The following KLF7 variants were observed in gnomAD, a reference collection of about 807,000 sequenced individuals.
KLF7 encodes the protein KLF transcription factor 7.
KLF7 carries 2 observed loss-of-function variants against 27.3 expected under a neutral mutation model. The observed-to-expected ratio is 0.07, with a 90% CI of 0.03 to 0.23. KLF7 has a LOEUF of 0.23. KLF7 is among the 10% of genes least tolerant of loss of function. KLF7 has a pLI of 1.00. For missense variants in KLF7, 221 were observed against 394.1 expected (o/e 0.56, Z 3.72); for synonymous variants, 165 against 162.4 (o/e 1.02, Z -0.12).
At chr2:207,143,498 G>A (rs753031828) in intron 1 of KLF7, among the ~76,000 whole-genome samples, 7 of 151,942 alleles carry the variant, frequency 4.6e-5, no homozygotes, top group Admixed American at 6.6e-5. Flanking sequence ...AAGGTTCGGA[G>A]TCTGGGTATG....
At chr2:207,121,456 C>G (rs1397253404) in intron 2 of KLF7, 1 of 152,178 alleles carries the variant, frequency 6.6e-6, no homozygotes, top group African/African-American at 2.4e-5. Flanking sequence ...AGTATCTGCT[C>G]ATTTAATATT....
Position 207,165,521 on chromosome 2 carries a change from G to T in KLF7, c.48C>A (p.Val16=). The T allele has an allele frequency of 6.2e-7, 1 of 1,614,078 alleles. No homozygotes were observed. The highest frequency in any genetic ancestry group is 8.5e-7 in the Non-Finnish European group (1 of 1,180,000). Residue 16 remains valine, a synonymous_variant, in exon 1 of 4, where the codon GTC becomes GTA. Coordinates refer to ENST00000309446, the MANE Select transcript of KLF7 (RefSeq NM_003709.4). ...SYSIFQELQL[V]HDTGYFSALP... is the part of the protein sequence containing the mutation. ...AAGCTGAGAAGTAGCCGGTGTCGTG[G>T]ACAAGTTGTAGCTCCTGGAATATAC... is the stretch of plus-strand genomic sequence containing the variant.
chr2:207,093,963 G>C (rs1438643722), intron 2 of KLF7, among the ~76,000 whole-genome samples: 1 of 152,120 alleles, frequency 6.6e-6, no homozygotes, highest in Non-Finnish European at 1.5e-5. Context: ...CCTAAAAGAC[G>C]AGGATCCTGA....
chr2:207,147,773 C>T (rs932337412), intron 1 of KLF7, among the ~76,000 whole-genome samples: 1 of 152,158 alleles, frequency 6.6e-6, no homozygotes, highest in African/African-American at 2.4e-5. Context: ...GAGAAGCTGG[C>T]GAAGCTCCTG....
chr2:207,082,314 T>A, intron 3 of KLF7, among the ~76,000 whole-genome samples: 1 of 152,136 alleles, frequency 6.6e-6, no homozygotes, highest in East Asian at 1.9e-4. Context: ...TCCACTGGGA[T>A]CCTGGAGTGA....
intron 1 of KLF7, among the ~76,000 whole-genome samples, chr2:207,147,031 A>C (rs991926821): frequency 8.5e-5 from 13 of 152,198 alleles, no homozygotes; most frequent in African/African-American, 2.9e-4. Flanking sequence ...ATTGGGTATA[A>C]ATCCAGTTTC....
chr2:207,134,796 C>A (rs1445381274), intron 1 of KLF7, among the ~76,000 whole-genome samples: 2 of 152,158 alleles, frequency 1.3e-5, no homozygotes, highest in Admixed American at 6.5e-5. Flanking sequence ...CTAGCTCAAT[C>A]CCCCTGGGAG....
chr2:207,109,151 G>A (rs561920820), intron 2 of KLF7, among the ~76,000 whole-genome samples: 7 of 152,294 alleles, frequency 4.6e-5, no homozygotes, highest in East Asian at 1.9e-4. Context: ...AATACCTTGC[G>A]TTTGTTTGCA....
chr2:207,150,081 G>A (rs1366961813), intron 1 of KLF7, among the ~76,000 whole-genome samples: 2 of 152,054 alleles, frequency 1.3e-5, no homozygotes, highest in Non-Finnish European at 2.9e-5. Context: ...CTTCATCCCT[G>A]AATACCACTA....
At chr2:207,160,760 T>C (rs1574596659) in intron 1 of KLF7, among the ~76,000 whole-genome samples, 2 of 152,336 alleles carry the variant, frequency 1.3e-5, no homozygotes, top group African/African-American at 4.8e-5. Flanking sequence ...TCCATTTAAG[T>C]AGAGAGGCAA....
chr2:207,140,987 C>T (rs2077924976), intron 1 of KLF7, among the ~76,000 whole-genome samples: 1 of 152,146 alleles, frequency 6.6e-6, no homozygotes, highest in Non-Finnish European at 1.5e-5. Flanking sequence ...CTGCCTGCTC[C>T]TTCTACATAA....
rs1285531247 is a variant in KLF7, at chr2:207,081,289, A to G, written c.858-25T>C. 7 of 1,592,994 alleles carry G rather than the reference A, an allele frequency of 4.4e-6. No homozygotes were observed. The African/African-American group carries it at 6.7e-5, about 15-fold the overall frequency. ...CCTAGGAGATATAAACAACAAGGAT[A>G]TTAGAGAACTCCCAGCAAACAGCTT... On this transcript the variant is annotated intron_variant, in intron 3 of 3. Transcript: ENST00000309446.
At chr2:207,094,816 C>A (rs373733453) in intron 2 of KLF7, among the ~76,000 whole-genome samples, 2 of 151,918 alleles carry the variant, frequency 1.3e-5, no homozygotes, top group East Asian at 1.9e-4. Flanking sequence ...AGGTTTTTTG[C>A]GTATCTGATT....
intron 2 of KLF7, among the ~76,000 whole-genome samples, chr2:207,094,873 T>C (rs988944715): frequency 2.6e-5 from 4 of 152,118 alleles, no homozygotes; most frequent in Admixed American, 2.0e-4. Flanking sequence ...ACATTTATAA[T>C]AACTACTACA....
chr2:207,167,637 A>G (rs1446286377), upstream of KLF7, among the ~76,000 whole-genome samples: 1 of 152,358 alleles, frequency 6.6e-6, no homozygotes, highest in South Asian at 2.1e-4. Context: ...GATTCATAGC[A>G]TTCATTGTAT....
At chr2:207,095,606 CTGAGG>C (rs1292580148) in intron 2 of KLF7, among the ~76,000 whole-genome samples, 1 of 152,118 alleles carries the variant, frequency 6.6e-6, no homozygotes, top group East Asian at 1.9e-4. Flanking sequence ...TGAAATGTTG[CTGAGG>C]TAACTAAAAA....
intron 1 of KLF7, among the ~76,000 whole-genome samples, chr2:207,135,751 T>A (rs1184957585): frequency 1.3e-5 from 2 of 152,138 alleles, no homozygotes; most frequent in African/African-American, 4.8e-5. Context: ...ACATTTCTGG[T>A]AGAACACGTC....
Position 207,165,700 on chromosome 2 carries a change from C to A in KLF7, c.-132G>T. ...GTGGCCCTTTTGTTTTGTTTTGTTT[C>A]AGTCAACTAAAAAGGAAAAAAAAAA... On this transcript the variant is annotated 5_prime_UTR_variant, in exon 1 of 4. Coordinates refer to ENST00000309446, the MANE Select transcript of KLF7 (RefSeq NM_003709.4). The A allele has an allele frequency of 3.4e-6, 5 of 1,483,176 alleles. No homozygotes were observed. The highest frequency in any genetic ancestry group is 1.3e-5 in the South Asian group (1 of 75,256). The allele number at this position is 1,483,176 out of a possible 1,614,324, so 91.9% of individuals were successfully genotyped here. A position where few individuals can be genotyped will look rare whatever the true frequency, so the allele number is the denominator to read the frequency against.
At chr2:207,142,148 C>T (rs755457126) in intron 1 of KLF7, among the ~76,000 whole-genome samples, 1 of 152,128 alleles carries the variant, frequency 6.6e-6, no homozygotes, top group Non-Finnish European at 1.5e-5. Flanking sequence ...TAATCAATAG[C>T]TGCTCAATAA....
Sources: gnomAD v4.1 joint callset for allele counts (sites outside exome capture counted in the v4.1 genomes callset) on GRCh38, gnomAD v4.1.1 for gene constraint, MANE v1.5 for transcripts, NCBI Gene and HGNC (gene_info 2026-07-23, HGNC 2026-07-21) for gene names.